Variants in PVT1 observed in about 807,000 individuals in gnomAD.
PVT1 encodes CXCR4/PVT1 fusion.
At chr8:128,094,101 T>C (rs1201947321) in intron 5 of PVT1, among the ~76,000 whole-genome samples, 3 of 152,208 alleles carry the variant, frequency 2.0e-5, no homozygotes, top group Non-Finnish European at 4.4e-5. Context: ...ACCCAGGCTC[T>C]GCATCAGGTT....
At chr8:128,002,402 G>A (rs570262489) in intron 4 of PVT1, among the ~76,000 whole-genome samples, 1 of 152,342 alleles carries the variant, frequency 6.6e-6, no homozygotes, top group South Asian at 2.1e-4. Flanking sequence ...GTCAGGGTGT[G>A]TATTAGTTTC....
At chr8:127,877,632 C>CA (rs1231974395) in intron 2 of PVT1, among the ~76,000 whole-genome samples, 1 of 152,184 alleles carries the variant, frequency 6.6e-6, no homozygotes, top group African/African-American at 2.4e-5. Context: ...GACTATTTCT[C>CA]ATAGTCCTGT....
intron 3 of PVT1, among the ~76,000 whole-genome samples, chr8:127,906,227 A>G (rs1017277934): frequency 7.2e-5 from 11 of 152,156 alleles, no homozygotes; most frequent in African/African-American, 2.4e-4. Context: ...GTCCCTGTCA[A>G]TTCCTTTGTC....
intron 3 of PVT1, among the ~76,000 whole-genome samples, chr8:127,907,821 G>A (rs940581245): frequency 6.6e-6 from 1 of 152,108 alleles, no homozygotes; most frequent in African/African-American, 2.4e-5. Flanking sequence ...TTTTATAGTG[G>A]TTGTAAGGAG....
chr8:127,989,550 C>T (rs992980417), intron 4 of PVT1, among the ~76,000 whole-genome samples: 15 of 152,152 alleles, frequency 9.9e-5, no homozygotes, highest in East Asian at 3.9e-4. Flanking sequence ...CTAGTGAATG[C>T]GCCACTTGTA....
At chr8:127,885,078 A>G (rs1340129885) in intron 2 of PVT1, among the ~76,000 whole-genome samples, 1 of 151,884 alleles carries the variant, frequency 6.6e-6, no homozygotes, top group Non-Finnish European at 1.5e-5. Context: ...TCCTGTTGTA[A>G]GTGGCCCCTC....
intron 4 of PVT1, among the ~76,000 whole-genome samples, chr8:128,069,411 C>G (rs1029082919): frequency 6.6e-6 from 1 of 152,166 alleles, no homozygotes; most frequent in African/African-American, 2.4e-5. Context: ...GAAAGGACAG[C>G]CTGACCCTCG....
intron 2 of PVT1, among the ~76,000 whole-genome samples, chr8:127,853,841 A>G (rs548666660): frequency 6.6e-6 from 1 of 152,284 alleles, no homozygotes; most frequent in South Asian, 2.1e-4. Context: ...AGAGAGAAGA[A>G]AGGCGGGGCA....
In PVT1 at chr8:127,850,007, T is replaced by G. The variant is rs7841708; in HGVS notation, n.373-40582T>G. Among the ~76,000 whole-genome samples the G allele has an allele frequency of 5.3e-4, 60 of 114,132 alleles. 8 individuals carry two copies. The highest frequency in any genetic ancestry group is 8.6e-3 in the Middle Eastern group (1 of 116). 74.9% of individuals were successfully genotyped at this position (114,132 alleles called of 152,430 possible). The stretch of plus-strand genomic sequence containing the variant: ...GTGCACAGCCTGTACATATGTGTAT[T>G]TGTGCTCCTGTGTGCACGTGCATGG... On this transcript the variant is annotated intron_variant and non_coding_transcript_variant, in intron 2 of 10. Transcript: ENST00000651587.
At chr8:127,882,304 G>A (rs1423493776) in intron 2 of PVT1, among the ~76,000 whole-genome samples, 1 of 152,078 alleles carries the variant, frequency 6.6e-6, no homozygotes, top group Non-Finnish European at 1.5e-5. Context: ...CTGTCAGCGG[G>A]GGGACAGCTG....
In PVT1 at chr8:128,003,143, A is replaced by G. The variant is rs145322666; in HGVS notation, n.912+13852A>G. ...AAGCCTCCCGAGTAGCTGGGACTAC[A>G]GGCACCTACCACCACACCTTTTTTT... On this transcript the variant is annotated intron_variant and non_coding_transcript_variant, in intron 4 of 10. Transcript: ENST00000651587. 9.9e-3 allele frequency among the ~76,000 whole-genome samples: 1,380 copies of G among 139,754 alleles called. 18 individuals carry two copies. Among genetic ancestry groups the G allele is most frequent in the African/African-American group, 0.035 (1,319 of 37,496 alleles). The allele number at this position is 139,754 out of a possible 152,430, so 91.7% of individuals were successfully genotyped here.
intron 4 of PVT1, among the ~76,000 whole-genome samples, chr8:128,052,340 T>C (rs562752398): frequency 6.6e-6 from 1 of 152,310 alleles, no homozygotes; most frequent in African/African-American, 2.4e-5. Flanking sequence ...TTCACTCTCC[T>C]TCCTCCACAT....
At chr8:127,908,451 C>T (rs1235470074) in intron 3 of PVT1, among the ~76,000 whole-genome samples, 2 of 151,580 alleles carry the variant, frequency 1.3e-5, no homozygotes, top group African/African-American at 4.8e-5. Context: ...AAGCGATTCT[C>T]CTGCCTCAGC....
At chr8:127,891,470 G>A (rs552299779) in intron 3 of PVT1, among the ~76,000 whole-genome samples, 1 of 152,354 alleles carries the variant, frequency 6.6e-6, no homozygotes, top group South Asian at 2.1e-4. Context: ...GTGGGCAGAT[G>A]CATGTGGAGG....
chr8:127,921,640 C>A (rs987788287), intron 3 of PVT1, among the ~76,000 whole-genome samples: 1 of 151,876 alleles, frequency 6.6e-6, no homozygotes, highest in Admixed American at 6.6e-5. Flanking sequence ...ATCGAAACCC[C>A]ATCTCTATTA....
intron 4 of PVT1, among the ~76,000 whole-genome samples, chr8:128,050,886 G>A (rs1813686362): frequency 6.6e-6 from 1 of 152,134 alleles, no homozygotes; most frequent in Non-Finnish European, 1.5e-5. Flanking sequence ...TCCTCTGTGG[G>A]TTTTTCTGCC....
intron 3 of PVT1, among the ~76,000 whole-genome samples, chr8:127,980,248 G>A (rs1018788330): frequency 6.6e-6 from 1 of 152,134 alleles, no homozygotes; most frequent in Non-Finnish European, 1.5e-5. Flanking sequence ...GTATTGGGGG[G>A]AATGGAATTA....
At chr8:127,988,114 C>G (rs991983959) in intron 3 of PVT1, among the ~76,000 whole-genome samples, 6 of 152,162 alleles carry the variant, frequency 3.9e-5, no homozygotes, top group Admixed American at 2.6e-4. Context: ...ACAATTATGG[C>G]CAAGTTGTTC....
intron 4 of PVT1, among the ~76,000 whole-genome samples, chr8:128,014,173 C>T (rs1158315296): frequency 1.3e-5 from 2 of 152,168 alleles, no homozygotes; most frequent in Non-Finnish European, 2.9e-5. Flanking sequence ...GCATTTATTC[C>T]CTCCCAGGGT....
Sources: gnomAD v4.1 joint callset for allele counts (sites outside exome capture counted in the v4.1 genomes callset) on GRCh38, gnomAD v4.1.1 for gene constraint, MANE v1.5 for transcripts, NCBI Gene and HGNC (gene_info 2026-07-23, HGNC 2026-07-21) for gene names.